The following RYR2 variants were observed in gnomAD, a reference collection of about 807,000 sequenced individuals.
The protein encoded by RYR2 is ryanodine receptor 2, also known as cardiac muscle ryanodine receptor-calcium release channel.
Under a neutral mutation model 601.1 loss-of-function variants are expected in RYR2, and 227 were observed. The observed-to-expected ratio is 0.38, with a 90% CI of 0.34 to 0.42. The LOEUF is 0.42. Among genes scored for constraint, RYR2 ranks in the 10% least tolerant of loss-of-function variants. The pLI is 1.00. For synonymous variants in RYR2, 2,223 were observed against 2,175.1 expected (o/e 1.02, Z -0.61); for missense variants, 4,646 against 6,156.5 (o/e 0.75, Z 8.21).
intron 3 of RYR2, among the ~76,000 whole-genome samples, chr1:237,337,039 T>C (rs12047063): frequency 0.17 from 25,154 of 151,724 alleles, 2,170 homozygotes; most frequent in East Asian, 0.34. Context: ...TCACTTGAGG[T>C]CAGGAATTCG....
rs1176978994 is a variant in RYR2 at position 237,633,569 on chromosome 1, T to C, written c.6556-9T>C. ...GCTTTCAGCAGCTAATGACATGCTT[T>C]ATCTGTAGGAAATCACCTTTCCCAA... On this transcript the variant is annotated splice_polypyrimidine_tract_variant and intron_variant, in intron 42 of 104. Transcript: ENST00000366574. The C allele has an allele frequency of 1.2e-6, 2 of 1,613,770 alleles. No homozygotes were observed. The highest frequency in any genetic ancestry group is 1.7e-6 in the Non-Finnish European group (2 of 1,179,822).
intron 48 of RYR2, among the ~76,000 whole-genome samples, chr1:237,643,698 C>T (rs906371253): frequency 9.3e-5 from 14 of 151,314 alleles, no homozygotes; most frequent in African/African-American, 3.2e-4. Flanking sequence ...CTGCAAGCTC[C>T]GCCTCCCGGG....
chr1:237,784,645 C>G lies in RYR2; in HGVS notation c.12933C>G (p.Ser4311Arg). 6.2e-7 allele frequency: 1 copy of G among 1,613,512 alleles called. No individual in the cohort carries two copies. The highest frequency in any genetic ancestry group is 1.3e-5 in the African/African-American group (1 of 74,940). ...GAGGCTTTTTCCGCATCATTTGCAG[C>G]CTGCTGCTTGGGGGAAGCCTCGTCG... ...VFRGFFRIIC[S>R]LLLGGSLVEG... Residue 4311 changes from serine (S) to arginine (R), a missense_variant, in exon 90 of 105, where the codon AGC (serine) becomes AGG (arginine). By Grantham distance (110) the Ser-to-Arg change is moderately radical. This residue lies in a region of RYR2 where 364 missense variants were observed against 442.9 expected (regional missense o/e 0.82). Transcript: ENST00000366574. The surrounding 1 kb of genome is among the most constrained non-coding windows in gnomAD (Gnocchi z 7.1).
intron 1 of RYR2, among the ~76,000 whole-genome samples, chr1:237,127,851 A>G (rs1489418204): frequency 3.4e-5 from 5 of 145,440 alleles, no homozygotes. Context: ...GGTGCTCCTC[A>G]CTTCCTAGGT....
At position 237,702,970 on chromosome 1, in the gene RYR2, AT is replaced by A. The variant is rs775361065; in HGVS notation, c.9449+916del. Among the ~76,000 whole-genome samples the A allele has an allele frequency of 7.7e-4, 117 of 152,060 alleles. 1 individual carries two copies. The highest frequency in any genetic ancestry group is 1.8e-4 in the Non-Finnish European group (12 of 67,858). On this transcript the variant is annotated intron_variant, in intron 66 of 104. Coordinates refer to ENST00000366574, the MANE Select transcript of RYR2 (RefSeq NM_001035.3). ...TTTAAGTAAACTCAATTTTCATATT[AT>A]TTTTATGGTTATGACCTATATTAAG...
intron 38 of RYR2, among the ~76,000 whole-genome samples, chr1:237,622,929 C>T (rs1252446751): frequency 6.6e-6 from 1 of 152,094 alleles, no homozygotes; most frequent in Non-Finnish European, 1.5e-5. Flanking sequence ...AGATCTGAAA[C>T]ACTTCCGGCC....
chr1:237,565,105 CTTTCTTTCTTTTTCTTTCT>C (rs1460496721), intron 27 of RYR2, among the ~76,000 whole-genome samples: 1 of 86,716 alleles, frequency 1.2e-5, no homozygotes, highest in Admixed American at 1.2e-4. Flanking sequence ...CTTTTCTTTT[CTTTCTTTCTTTTTCTTTCT>C]TTCTTTCTTT....
intron 20 of RYR2, 39 bp downstream of exon 20, chr1:237,496,791 A>G (rs768895754): frequency 9.5e-6 from 15 of 1,578,894 alleles, no homozygotes; most frequent in Non-Finnish European, 1.3e-5. Flanking sequence ...GTTCCAGAAG[A>G]TCTTTTGCTG....
At chr1:237,700,881 T>C (rs571477124) in intron 65 of RYR2, among the ~76,000 whole-genome samples, 1 of 152,368 alleles carries the variant, frequency 6.6e-6, no homozygotes, top group South Asian at 2.1e-4. Flanking sequence ...TGAAGACGAC[T>C]GAGACAAAGT....
intron 2 of RYR2, among the ~76,000 whole-genome samples, chr1:237,275,048 G>A (rs917145141): frequency 1.1e-4 from 16 of 151,038 alleles, no homozygotes; most frequent in African/African-American, 3.9e-4. Flanking sequence ...ATGCATGTCT[G>A]TATATATATA....
intron 80 of RYR2, among the ~76,000 whole-genome samples, chr1:237,754,057 A>G (rs1384834328): frequency 6.6e-6 from 1 of 152,022 alleles, no homozygotes; most frequent in Admixed American, 6.6e-5. Flanking sequence ...TTCCAATTTC[A>G]GTTCAACAAA....
At chr1:237,745,198 T>C (rs181014011) in intron 80 of RYR2, among the ~76,000 whole-genome samples, 4 of 152,272 alleles carry the variant, frequency 2.6e-5, no homozygotes, top group Admixed American at 2.0e-4. Context: ...ATGTATATAC[T>C]ATCAGATGCA....
At chr1:237,740,397 G>A (rs1031833420) in intron 79 of RYR2, among the ~76,000 whole-genome samples, 4 of 152,152 alleles carry the variant, frequency 2.6e-5, no homozygotes, top group East Asian at 3.9e-4. Flanking sequence ...TTCATTAGGA[G>A]CAAATCTCAT....
intron 4 of RYR2, among the ~76,000 whole-genome samples, chr1:237,356,353 C>T (rs1390096207): frequency 1.3e-5 from 2 of 151,076 alleles, no homozygotes; most frequent in African/African-American, 4.8e-5. Context: ...CTCAAAATTC[C>T]ACTGCTTAGT....
At chr1:237,705,391 G>T (rs898791836) in intron 67 of RYR2, 48 bp downstream of exon 67, 23 of 1,498,156 alleles carry the variant, frequency 1.5e-5, no homozygotes, top group Non-Finnish European at 2.0e-5. Flanking sequence ...GCTAAAACTT[G>T]ATATTTATCA....
chr1:237,819,093 A>T lies in RYR2; in HGVS notation c.14491A>T (p.Ile4831Phe). The T allele has an allele frequency of 6.2e-7, 1 of 1,613,894 alleles. No individual in the cohort carries two copies. Among genetic ancestry groups the T allele is most frequent in the Non-Finnish European group, 8.5e-7 (1 of 1,179,828 alleles). Residue 4831 changes from isoleucine to phenylalanine, a missense_variant, in exon 101 of 105, where the codon ATC becomes TTC. Physicochemically the swap from Ile to Phe is conservative, Grantham distance 21 (BLOSUM62 0). This residue lies in a region of RYR2 where 55 missense variants were observed against 204.7 expected (regional missense o/e 0.27). Transcript: ENST00000366574. This position sits in a 1 kb window ranked among gnomAD's most constrained non-coding sequence, Gnocchi z 4.0. ...TGCTGGAGGAGGGATCGGGGATGAA[A>T]TCGAAGACCCAGCAGGAGATGAATA... Reference protein sequence around the residue: ...VRAGGGIGDEIEDPAGDEYEI... With the variant: ...VRAGGGIGDEFEDPAGDEYEI...
intron 63 of RYR2, among the ~76,000 whole-genome samples, chr1:237,694,543 A>T (rs896820996): frequency 1.3e-5 from 2 of 152,148 alleles, no homozygotes; most frequent in African/African-American, 4.8e-5. Context: ...AACTTATTAT[A>T]TATACTGTAA....
At chr1:237,593,381 G>A (rs1675450284) in intron 32 of RYR2, 95 bp from the exon 33 acceptor site, 1 of 1,234,880 alleles carries the variant, frequency 8.1e-7, no homozygotes. Flanking sequence ...GAATTCTTAA[G>A]TCATTCACAG....
chr1:237,468,290 G>A (rs1660308511), intron 16 of RYR2, among the ~76,000 whole-genome samples: 1 of 152,114 alleles, frequency 6.6e-6, no homozygotes, highest in Non-Finnish European at 1.5e-5. Context: ...TATAAAAGTA[G>A]AAAATATTTA....
Sources: allele counts gnomAD v4.1 joint callset (sites outside exome capture counted in the v4.1 genomes callset), GRCh38; gene constraint gnomAD v4.1.1; regional missense constraint gnomAD v4.1.1; non-coding constraint Gnocchi (gnomAD v3.1); transcripts MANE v1.5; gene names NCBI Gene and HGNC (gene_info 2026-07-23, HGNC 2026-07-21).